The following TPCN1 variants were observed in gnomAD, a reference collection of about 807,000 sequenced individuals.
TPCN1 encodes the protein two pore channel protein 1.
TPCN1 carries 52 observed loss-of-function variants against 108.8 expected under a neutral mutation model. That is an observed-to-expected ratio of 0.48 (90% CI 0.38 to 0.60). The LOEUF (loss-of-function observed/expected upper bound fraction) is 0.60. Ranked by LOEUF, TPCN1 falls within the 20% of genes least tolerant of loss-of-function variation. The probability of loss-of-function intolerance (pLI) is 0.00; values close to 1 mark genes in which losing one functional copy is unlikely to be tolerated. For missense variants in TPCN1, 806 were observed against 1,072.8 expected (o/e 0.75, Z 3.47); for synonymous variants, 446 against 433.7 (o/e 1.03, Z -0.35).
chr12:113,284,514 G>C lies in TPCN1; in HGVS notation c.1343-67G>C. 6.3e-7 allele frequency: 1 copy of C among 1,587,008 alleles called. No individual in the cohort carries two copies. The highest frequency in any genetic ancestry group is 8.6e-7 in the Non-Finnish European group (1 of 1,157,086). ...TCCAGGAAGTTAACCAGGGACTTCAGCTGCGACCTGCAGATTTCTAAGCCC... is the reference window on the plus strand; with the variant it reads ...TCCAGGAAGTTAACCAGGGACTTCACCTGCGACCTGCAGATTTCTAAGCCC... On this transcript the variant is annotated intron_variant, in intron 15 of 27. Transcript: ENST00000335509. The surrounding 1 kb of genome is among the most constrained non-coding windows in gnomAD (Gnocchi z 4.1).
chr12:113,264,548 G>A (rs1000276469), intron 3 of TPCN1, among the ~76,000 whole-genome samples: 2 of 151,982 alleles, frequency 1.3e-5, no homozygotes, highest in Non-Finnish European at 2.9e-5. Flanking sequence ...GTGTGGTGGT[G>A]CACGCCTGTC....
chr12:113,233,425 G>A (rs941531026), intron 2 of TPCN1, among the ~76,000 whole-genome samples: 2 of 152,254 alleles, frequency 1.3e-5, no homozygotes, highest in African/African-American at 4.8e-5. Context: ...GCCGCTGGGG[G>A]CATCAGGTTG....
chr12:113,288,807 A>G lies in TPCN1; in HGVS notation c.1756A>G (p.Met586Val), dbSNP rs1956175962. 1.9e-6 allele frequency: 3 copies of G among 1,613,468 alleles called. No homozygotes were observed. The highest frequency in any genetic ancestry group is 2.5e-6 in the Non-Finnish European group (3 of 1,180,026). Residue 586 changes from methionine (M) to valine (V), a missense_variant, in exon 21 of 28, where the codon ATG becomes GTG. By Grantham distance (21) the Met-to-Val change is conservative (BLOSUM62 1). Transcript: ENST00000335509. The surrounding 1 kb of genome is among the most constrained non-coding windows in gnomAD (Gnocchi z 4.8). ...IFYYSFAIVG[M>V]EFFCGIVFPN... ...TTACTACTCCTTCGCCATCGTGGGC[A>G]TGGAGTTCTTCTGCGGGATCGTCTT...
intron 12 of TPCN1, among the ~76,000 whole-genome samples, chr12:113,277,856 T>C (rs1243008068): frequency 6.6e-6 from 1 of 152,162 alleles, no homozygotes; most frequent in Non-Finnish European, 1.5e-5. Context: ...TCCCAGGTGT[T>C]GCATTAAGGC....
intron 23 of TPCN1, 35 bp from the exon 24 acceptor site, chr12:113,291,574 G>C: frequency 6.3e-7 from 1 of 1,596,636 alleles, no homozygotes; most frequent in Non-Finnish European, 8.6e-7. Flanking sequence ...CCCTGCATGG[G>C]CACCCCCTCA....
intron 15 of TPCN1, among the ~76,000 whole-genome samples, chr12:113,282,941 G>A (rs571687992): frequency 6.6e-6 from 1 of 152,012 alleles, no homozygotes; most frequent in Non-Finnish European, 1.5e-5. Flanking sequence ...GAAAAAATTA[G>A]CCATGCACGC....
chr12:113,246,406 C>T (rs968275124), intron 2 of TPCN1, among the ~76,000 whole-genome samples: 2 of 152,220 alleles, frequency 1.3e-5, no homozygotes, highest in African/African-American at 4.8e-5. Context: ...TCCCCAGAGG[C>T]CCAGAACAGA....
At chr12:113,280,012 TAA>T (rs2136691826) in intron 14 of TPCN1, 137 bp from the exon 15 acceptor site, 1 of 650,044 alleles carries the variant, frequency 1.5e-6, no homozygotes, top group African/African-American at 1.8e-5. Flanking sequence ...ACCTCTGGGG[TAA>T]AGACCATGCT....
rs192593948 is a variant in TPCN1, at chr12:113,242,790, A to G, written c.112+15826A>G. On this transcript the variant is annotated intron_variant, in intron 2 of 27. Coordinates refer to ENST00000335509, the MANE Select transcript of TPCN1 (RefSeq NM_017901.6). The stretch of plus-strand genomic sequence containing the variant: ...CCATCCACCCTGTGAATACCTCCTC[A>G]TCCCTCATGCTTGAAATGCCAGCCC... Among the ~76,000 whole-genome samples the G allele has an allele frequency of 5.4e-3, 821 of 152,008 alleles. 7 individuals are homozygous for G. Among genetic ancestry groups the G allele is most frequent in the African/African-American group, 0.018 (760 of 41,438 alleles).
rs1956329483 is a variant in TPCN1, at chr12:113,293,348, A to G, written c.2333A>G (p.Gln778Arg). 6.2e-7 allele frequency: 1 copy of G among 1,613,812 alleles called. No homozygotes were observed. Among genetic ancestry groups the G allele is most frequent in the Non-Finnish European group, 8.5e-7 (1 of 1,179,898 alleles). ...LSLKMYQEEIQEWYEEHAREQ... is the reference protein window; with the variant it reads ...LSLKMYQEEIREWYEEHAREQ... ...CTGAAGATGTACCAGGAGGAGATCC[A>G]GGTAGGAGCCTGGCCGACCACGCTG... The change falls in exon 27 of 28, where the codon CAG becomes CGG. Residue 778 changes from glutamine (Q) to arginine (R), a missense_variant and splice_region_variant. Coordinates refer to ENST00000335509, the MANE Select transcript of TPCN1 (RefSeq NM_017901.6).
chr12:113,285,402 T>A (rs928596662), intron 17 of TPCN1, among the ~76,000 whole-genome samples: 1 of 152,084 alleles, frequency 6.6e-6, no homozygotes, highest in Non-Finnish European at 1.5e-5. Context: ...GCAGGATCTT[T>A]CTCTGTCACC....
At chr12:113,283,542 G>A (rs1330465776) in intron 15 of TPCN1, among the ~76,000 whole-genome samples, 3 of 152,084 alleles carry the variant, frequency 2.0e-5, no homozygotes, top group African/African-American at 7.2e-5. Flanking sequence ...GCTAAGGTGG[G>A]AGGATTGCTT....
Position 113,288,937 on chromosome 12 carries a change from G to A in TPCN1, c.1796+90G>A, listed in dbSNP as rs1956180878. On this transcript the variant is annotated intron_variant, in intron 21 of 27. Transcript: ENST00000335509. The surrounding 1 kb of genome is among the most constrained non-coding windows in gnomAD (Gnocchi z 4.8). ...GGATTGGTGTCCTTGTGGCCTTGGG[G>A]TCCTCGGGGATGTTCCTGTCTAAGC... 6.0e-6 allele frequency: 8 copies of A among 1,323,502 alleles called. No individual in the cohort carries two copies. Among genetic ancestry groups the A allele is most frequent in the Non-Finnish European group, 7.6e-6 (7 of 925,042 alleles). The allele number at this position is 1,323,502 out of a possible 1,614,324, so 82.0% of individuals were successfully genotyped here. A position where few individuals can be genotyped will look rare whatever the true frequency, so the allele number is the denominator to read the frequency against.
intron 2 of TPCN1, among the ~76,000 whole-genome samples, chr12:113,230,942 C>T (rs1452696324): frequency 6.6e-6 from 1 of 152,252 alleles, no homozygotes; most frequent in Non-Finnish European, 1.5e-5. Flanking sequence ...CTTTGAGTCC[C>T]ATTGCTCTCA....
rs561251731 is a variant in TPCN1, at chr12:113,270,047, T to C, written c.748+202T>C. Among the ~76,000 whole-genome samples, 6 of 152,094 alleles carry C rather than the reference T, an allele frequency of 3.9e-5. No homozygotes were observed. The East Asian group carries it at 1.2e-3, about 29-fold the overall frequency. On this transcript the variant is annotated intron_variant, in intron 7 of 27. Transcript: ENST00000335509. ...CCAGTTTCTACTAAAAATACAAAAATTAGCTGGGCGTGGTGGTGCACACCT... is the reference window on the plus strand; with the variant it reads ...CCAGTTTCTACTAAAAATACAAAAACTAGCTGGGCGTGGTGGTGCACACCT...
chr12:113,250,160 A>T (rs969136243), intron 2 of TPCN1: 4 of 152,206 alleles, frequency 2.6e-5, no homozygotes, highest in Non-Finnish European at 5.9e-5. Flanking sequence ...GTGCTAAAAA[A>T]AGATGCCATT....
intron 1 of TPCN1, among the ~76,000 whole-genome samples, chr12:113,223,679 G>T (rs1196075713): frequency 1.3e-5 from 2 of 152,130 alleles, no homozygotes; most frequent in East Asian, 3.8e-4. Context: ...CAGTAGCTGG[G>T]ATTACAGGCA....
rs1955253345 is a variant in TPCN1 at position 113,266,203 on chromosome 12, C to G, written c.261C>G (p.Phe87Leu). 31 of 1,614,064 alleles carry G rather than the reference C, an allele frequency of 1.9e-5. No individual in the cohort carries two copies. The East Asian group carries it at 6.9e-4, about 36-fold the overall frequency. Residue 87 changes from phenylalanine (F) to leucine (L), a missense_variant, in exon 4 of 28, where the codon TTC (phenylalanine) becomes TTG (leucine). Phe to Leu is a conservative substitution (Grantham distance 22). Transcript: ENST00000335509. The surrounding 1 kb of genome is among the most constrained non-coding windows in gnomAD (Gnocchi z 4.2). Reference protein sequence around the residue: ...YLQEGENNDKFFTHPKDAKAL... With the variant: ...YLQEGENNDKLFTHPKDAKAL... ...AGGAAGGCGAGAACAACGACAAGTTCTTCACCCACCCCAAGGATGCCAAGG... is the reference window on the plus strand; with the variant it reads ...AGGAAGGCGAGAACAACGACAAGTTGTTCACCCACCCCAAGGATGCCAAGG...
chr12:113,226,361 G>C (rs1953470862), intron 1 of TPCN1, among the ~76,000 whole-genome samples: 1 of 152,070 alleles, frequency 6.6e-6, no homozygotes, highest in Non-Finnish European at 1.5e-5. Flanking sequence ...GCTCACTGCA[G>C]CTTCCACCTC....
Sources: gnomAD v4.1 joint callset for allele counts (sites outside exome capture counted in the v4.1 genomes callset) on GRCh38, gnomAD v4.1.1 for gene constraint, Gnocchi (gnomAD v3.1) non-coding constraint, MANE v1.5 for transcripts, NCBI Gene and HGNC (gene_info 2026-07-23, HGNC 2026-07-21) for gene names.